The following MACROD2 variants were observed in gnomAD, a reference collection of about 807,000 sequenced individuals.
MACROD2 encodes mono-ADP ribosylhydrolase 2.
MACROD2 carries 36 observed loss-of-function variants against 70.4 expected under a neutral mutation model. The ratio of observed to expected loss-of-function variants is 0.51; its 90% confidence interval spans 0.39 to 0.68. The LOEUF is 0.68. Among genes scored for constraint, MACROD2 ranks in the 30% least tolerant of loss-of-function variants. The pLI is 0.00. For synonymous variants in MACROD2, 172 were observed against 178.8 expected (o/e 0.96, Z 0.30); for missense variants, 496 against 538.4 (o/e 0.92, Z 0.78).
intron 15 of MACROD2, among the ~76,000 whole-genome samples, chr20:16,011,769 G>A (rs184825304): frequency 1.8e-4 from 28 of 152,356 alleles, no homozygotes; most frequent in Non-Finnish European, 3.7e-4. Context: ...GTCCTTGACT[G>A]GGAGCTGCCT....
intron 5 of MACROD2, among the ~76,000 whole-genome samples, chr20:14,727,367 CA>C (rs1269544221): frequency 1.3e-5 from 2 of 151,648 alleles, no homozygotes; most frequent in Non-Finnish European, 2.9e-5. Flanking sequence ...CCTGTCTCTA[CA>C]AAAAAATAAT....
At chr20:14,736,991 C>T (rs372761590) in intron 5 of MACROD2, among the ~76,000 whole-genome samples, 11 of 152,050 alleles carry the variant, frequency 7.2e-5, no homozygotes, top group South Asian at 6.2e-4. Flanking sequence ...TTCTGGGACA[C>T]GTGTGCAGAA....
chr20:15,957,491 GCT>G (rs1408004823), intron 12 of MACROD2, among the ~76,000 whole-genome samples: 1 of 152,034 alleles, frequency 6.6e-6, no homozygotes, highest in East Asian at 1.9e-4. Context: ...TAACCTTGAT[GCT>G]CTCTCATGAC....
At chr20:15,732,433 A>G (rs964051056) in intron 8 of MACROD2, among the ~76,000 whole-genome samples, 2 of 152,172 alleles carry the variant, frequency 1.3e-5, no homozygotes, top group Non-Finnish European at 2.9e-5. Context: ...ACAAGAATCA[A>G]TATTCTTTAT....
At chr20:14,666,551 G>A (rs923628230) in intron 4 of MACROD2, among the ~76,000 whole-genome samples, 1 of 151,894 alleles carries the variant, frequency 6.6e-6, no homozygotes, top group Non-Finnish European at 1.5e-5. Flanking sequence ...TGCTTCATTT[G>A]CAAACTTAAG....
intron 5 of MACROD2, among the ~76,000 whole-genome samples, chr20:15,226,673 A>G (rs1479123411): frequency 1.3e-5 from 2 of 152,222 alleles, no homozygotes; most frequent in South Asian, 2.1e-4. Flanking sequence ...TCAAAAGCCT[A>G]TGAGCTGCTT....
At chr20:14,343,379 T>G (rs934476665) in intron 3 of MACROD2, among the ~76,000 whole-genome samples, 1 of 152,186 alleles carries the variant, frequency 6.6e-6, no homozygotes, top group Non-Finnish European at 1.5e-5. Context: ...AGTTCCTTTA[T>G]TTATGAAGAC....
chr20:14,792,514 C>T (rs1418127922), intron 5 of MACROD2, among the ~76,000 whole-genome samples: 2 of 151,812 alleles, frequency 1.3e-5, no homozygotes, highest in African/African-American at 4.8e-5. Flanking sequence ...GGTGATCTGC[C>T]GAAACCCTCC....
intron 4 of MACROD2, among the ~76,000 whole-genome samples, chr20:14,590,387 G>T (rs946228626): frequency 6.6e-6 from 1 of 152,234 alleles, no homozygotes; most frequent in Admixed American, 6.5e-5. Flanking sequence ...TTCAGCCTGG[G>T]TTTAGAGGTT....
intron 3 of MACROD2, among the ~76,000 whole-genome samples, chr20:14,294,471 C>T (rs1359385288): frequency 6.6e-6 from 1 of 151,494 alleles, no homozygotes; most frequent in Non-Finnish European, 1.5e-5. Flanking sequence ...TTCTGCTGTT[C>T]ACAGAGAGCA....
chr20:14,079,909 T>C (rs947576257), intron 2 of MACROD2, among the ~76,000 whole-genome samples: 14 of 152,104 alleles, frequency 9.2e-5, no homozygotes, highest in African/African-American at 3.4e-4. Context: ...AGCCAGCATC[T>C]TCCCTACCCC....
chr20:14,575,240 T>A (rs1980517676), intron 4 of MACROD2, among the ~76,000 whole-genome samples: 1 of 152,130 alleles, frequency 6.6e-6, no homozygotes, highest in Non-Finnish European at 1.5e-5. Flanking sequence ...TTATTTTTAA[T>A]GAAAAATAAC....
At chr20:15,183,514 A>T (rs1264248218) in intron 5 of MACROD2, among the ~76,000 whole-genome samples, 1 of 151,990 alleles carries the variant, frequency 6.6e-6, no homozygotes, top group Non-Finnish European at 1.5e-5. Flanking sequence ...AAAAAAAAAA[A>T]TAGATCTTAT....
chr20:15,452,549 C>T (rs1335907646), intron 7 of MACROD2, among the ~76,000 whole-genome samples: 1 of 152,088 alleles, frequency 6.6e-6, no homozygotes, highest in African/African-American at 2.4e-5. Context: ...GTGGAAGAGT[C>T]TCTCTTCTCT....
Position 15,331,720 on chromosome 20 carries a change from AC to A in MACROD2, c.541-99684del, listed in dbSNP as rs1187478752. Reference sequence around the variant, plus strand: ...TTCTCTTCTCATGTCATTTTCAAGAACTTGCTTTATGAATACCTTTTCTTGT... The same window carrying A: ...TTCTCTTCTCATGTCATTTTCAAGAATTGCTTTATGAATACCTTTTCTTGT... On this transcript the variant is annotated intron_variant, in intron 6 of 17. Coordinates refer to ENST00000684519, the MANE Select transcript of MACROD2 (RefSeq NM_001351661.2). 1.3e-5 allele frequency among the ~76,000 whole-genome samples: 2 copies of A among 151,560 alleles called. 1 individual carries two copies. The highest frequency in any genetic ancestry group is 4.9e-5 in the African/African-American group (2 of 40,934).
At position 15,937,771 on chromosome 20, in the gene MACROD2, C is replaced by T. The variant is rs575470785; in HGVS notation, c.907+227C>T. On this transcript the variant is annotated intron_variant, in intron 12 of 17. Transcript: ENST00000684519. ...TATGTGTGTATATATGTATATATAA[C>T]ATTTACATTTGTTCCTTTGGAAAAT... 1.9e-4 allele frequency among the ~76,000 whole-genome samples: 29 copies of T among 150,824 alleles called. No homozygotes were observed. The East Asian group carries it at 5.4e-3, about 28-fold the overall frequency.
chr20:16,028,631 A>G (rs917661011), intron 15 of MACROD2, among the ~76,000 whole-genome samples: 1 of 152,192 alleles, frequency 6.6e-6, no homozygotes, highest in Non-Finnish European at 1.5e-5. Context: ...CCCAACTAAT[A>G]CATGAAAATT....
intron 5 of MACROD2, among the ~76,000 whole-genome samples, chr20:14,703,765 C>T (rs1316841234): frequency 6.6e-6 from 1 of 151,994 alleles, no homozygotes; most frequent in Non-Finnish European, 1.5e-5. Context: ...CTGGCTCTGT[C>T]GCCCAGGCTG....
intron 5 of MACROD2, among the ~76,000 whole-genome samples, chr20:15,035,000 G>A (rs967030046): frequency 6.6e-6 from 1 of 152,100 alleles, no homozygotes; most frequent in Non-Finnish European, 1.5e-5. Flanking sequence ...TCATGTGTCA[G>A]TAAAAATTTT....
Sources: gnomAD v4.1 joint callset for allele counts (sites outside exome capture counted in the v4.1 genomes callset) on GRCh38, gnomAD v4.1.1 for gene constraint, MANE v1.5 for transcripts, NCBI Gene and HGNC (gene_info 2026-07-23, HGNC 2026-07-21) for gene names.